The following GPC3 variants were observed in gnomAD, a reference collection of about 807,000 sequenced individuals.
The protein encoded by GPC3 is glypican-3.
Under a neutral mutation model 34.4 loss-of-function variants are expected in GPC3, and 3 were observed. The ratio of observed to expected loss-of-function variants is 0.09; its 90% confidence interval spans 0.04 to 0.23. The LOEUF (loss-of-function observed/expected upper bound fraction) is 0.23. Ranked by LOEUF, GPC3 falls within the 10% of genes least tolerant of loss-of-function variation. The probability of loss-of-function intolerance (pLI) is 1.00; values close to 1 mark genes in which losing one functional copy is unlikely to be tolerated. For missense variants in GPC3, 351 were observed against 445.6 expected (o/e 0.79, Z 1.91); for synonymous variants, 177 against 174.0 (o/e 1.02, Z -0.13).
rs143561452 is a variant in GPC3 at position 133,754,120 on chromosome X, T to C, written c.394A>G (p.Asn132Asp). 5.3e-5 allele frequency: 64 copies of C among 1,209,118 alleles called. No individual in the cohort carries two copies. Among genetic ancestry groups the C allele is most frequent in the Non-Finnish European group, 6.9e-5 (62 of 893,909 alleles). ...TGTGGAGTCAGGCTTGGGTAGTTGT[T>C]CTTGAACATGGCATTGGTGTAGTTC... is the stretch of plus-strand genomic sequence containing the variant. ...AKNYTNAMFK[N>D]NYPSLTPQAF... Residue 132 changes from asparagine (N) to aspartate (D), a missense_variant, in exon 3 of 8, where the codon AAC becomes GAC. By Grantham distance (23) the Asn-to-Asp change is conservative. Transcript: ENST00000370818.
chrX:133,882,446 G>C (rs2076045884), intron 2 of GPC3, among the ~76,000 whole-genome samples: 1 of 111,521 alleles, frequency 9.0e-6, no homozygotes, highest in Non-Finnish European at 1.9e-5. Flanking sequence ...TAACCGTTTA[G>C]ATGTATCATT....
intron 6 of GPC3, among the ~76,000 whole-genome samples, chrX:133,626,299 G>T (rs2070297576): frequency 9.0e-6 from 1 of 111,634 alleles, no homozygotes; most frequent in Non-Finnish European, 1.9e-5. Context: ...GGCAACAAAA[G>T]CCAAAATTGA....
chrX:133,633,591 C>T (rs933475912), intron 6 of GPC3, among the ~76,000 whole-genome samples: 3 of 111,972 alleles, frequency 2.7e-5, no homozygotes, highest in Non-Finnish European at 5.6e-5. Flanking sequence ...CAAGAGTCGG[C>T]TCTACCAATT....
chrX:133,872,238 T>G (rs2075996782), intron 2 of GPC3, among the ~76,000 whole-genome samples: 1 of 111,754 alleles, frequency 8.9e-6, no homozygotes, highest in Admixed American at 9.5e-5. Flanking sequence ...CCCATGTATT[T>G]TTTTTTTCTC....
At chrX:133,690,946 C>G (rs1338295873) in intron 5 of GPC3, among the ~76,000 whole-genome samples, 1 of 111,789 alleles carries the variant, frequency 8.9e-6, no homozygotes, top group African/African-American at 3.3e-5. Context: ...CCTAAGCATT[C>G]TGTCCTCTTG....
chrX:133,554,161 G>A (rs923959571), intron 7 of GPC3, among the ~76,000 whole-genome samples: 2 of 109,752 alleles, frequency 1.8e-5, no homozygotes, highest in East Asian at 2.9e-4. Flanking sequence ...CTACAGGTGC[G>A]CACCACCATG....
chrX:133,742,675 G>T (rs1190623374), intron 3 of GPC3, among the ~76,000 whole-genome samples: 2 of 111,899 alleles, frequency 1.8e-5, no homozygotes, highest in Non-Finnish European at 3.8e-5. Context: ...ATTTTATGAG[G>T]TTTATTTGTA....
chrX:133,594,756 C>T (rs756781277), intron 7 of GPC3, among the ~76,000 whole-genome samples: 85 of 110,766 alleles, frequency 7.7e-4, no homozygotes, highest in South Asian at 7.7e-4. Flanking sequence ...GAGTTTTAGG[C>T]ACACAAGATG....
intron 1 of GPC3, among the ~76,000 whole-genome samples, chrX:133,958,001 C>A (rs976386161): frequency 9.0e-6 from 1 of 111,149 alleles, no homozygotes; most frequent in Non-Finnish European, 1.9e-5. Flanking sequence ...CATTCCCAGA[C>A]GCTAAAAAAA....
intron 1 of GPC3, among the ~76,000 whole-genome samples, chrX:133,962,164 T>A (rs1331575634): frequency 8.9e-6 from 1 of 112,174 alleles, no homozygotes; most frequent in Non-Finnish European, 1.9e-5. Context: ...TGGATTCCCA[T>A]GGGAAAGAAT....
intron 5 of GPC3, among the ~76,000 whole-genome samples, chrX:133,690,020 T>A (rs2071047218): frequency 8.9e-6 from 1 of 112,089 alleles, no homozygotes; most frequent in South Asian, 3.7e-4. Context: ...AAAAAAATGT[T>A]CATGATTCTT....
Position 133,585,881 on chromosome X carries a change from T to G in GPC3, c.1573+10559A>C, listed in dbSNP as rs149085973. ...TAGTCAAATTCATCTGTTCAACAGT[T>G]TCCTCTTAATTTGAAGATTGATTAG... On this transcript the variant is annotated intron_variant, in intron 7 of 7. Coordinates refer to ENST00000370818, the MANE Select transcript of GPC3 (RefSeq NM_004484.4). Among the ~76,000 whole-genome samples the G allele has an allele frequency of 8.8e-3, 989 of 112,475 alleles. 6 individuals carry two copies. Among genetic ancestry groups the G allele is most frequent in the East Asian group, 0.018 (64 of 3,563 alleles).
chrX:133,608,798 C>T (rs778600894), intron 6 of GPC3, among the ~76,000 whole-genome samples: 2 of 111,588 alleles, frequency 1.8e-5, no homozygotes, highest in Middle Eastern at 4.6e-3. Flanking sequence ...AATAGGTTTT[C>T]GGTGAGAGCA....
chrX:133,673,999 C>T (rs748597906), intron 5 of GPC3, among the ~76,000 whole-genome samples: 2 of 111,041 alleles, frequency 1.8e-5, no homozygotes, highest in Non-Finnish European at 3.8e-5. Context: ...CAGAGGTGGG[C>T]GGATTGCTTG....
chrX:133,948,440 C>T (rs192950927), intron 2 of GPC3, among the ~76,000 whole-genome samples: 3 of 110,545 alleles, frequency 2.7e-5, no homozygotes, highest in African/African-American at 6.6e-5. Context: ...GCCCTCCCCC[C>T]CATTCAGAGA....
At chrX:133,660,783 T>G (rs931397500) in intron 6 of GPC3, among the ~76,000 whole-genome samples, 1 of 112,182 alleles carries the variant, frequency 8.9e-6, no homozygotes, top group Admixed American at 9.5e-5. Flanking sequence ...GCAAAAAATT[T>G]GAAGCAACCT....
At chrX:133,658,504 T>A (rs2070687445) in intron 6 of GPC3, among the ~76,000 whole-genome samples, 1 of 111,880 alleles carries the variant, frequency 8.9e-6, no homozygotes, top group African/African-American at 3.2e-5. Flanking sequence ...GACATCATCA[T>A]CATCATCATG....
rs34231185 is a variant in GPC3 at position 133,823,128 on chromosome X, C to CAAA, written c.338-68955_338-68953dup. ...TGGGTGACAGAGCAAGACTCCGTCT[C>CAAA]AAAAAAAAAAAAAAAAAAAAAAAAA... is the stretch of plus-strand genomic sequence containing the variant. On this transcript the variant is annotated intron_variant, in intron 2 of 7. Coordinates refer to ENST00000370818, the MANE Select transcript of GPC3 (RefSeq NM_004484.4). Among the ~76,000 whole-genome samples the CAAA allele has an allele frequency of 1.6e-4, 3 of 18,859 alleles. 1 individual carries two copies. Among genetic ancestry groups the CAAA allele is most frequent in the Non-Finnish European group, 2.5e-4 (3 of 11,804 alleles). The allele number at this position is 18,859 out of a possible 115,157, so 16.4% of individuals were successfully genotyped here. A position where few individuals can be genotyped will look rare whatever the true frequency, so the allele number is the denominator to read the frequency against.
At chrX:133,967,601 T>C (rs1413461753) in intron 1 of GPC3, among the ~76,000 whole-genome samples, 1 of 112,148 alleles carries the variant, frequency 8.9e-6, no homozygotes, top group Non-Finnish European at 1.9e-5. Flanking sequence ...CCTCATTTAT[T>C]TTTTAGTTTT....
Sources: gnomAD v4.1 joint callset for allele counts (sites outside exome capture counted in the v4.1 genomes callset) on GRCh38, gnomAD v4.1.1 for gene constraint, MANE v1.5 for transcripts, NCBI Gene and HGNC (gene_info 2026-07-23, HGNC 2026-07-21) for gene names.